Variants in DAPK2 observed in about 807,000 individuals in gnomAD.
DAPK2 encodes death-associated protein kinase 2.
A neutral mutation model predicts 44.1 loss-of-function variants in DAPK2; 35 were observed. That is an observed-to-expected ratio of 0.79 (90% CI 0.61 to 1.05). The LOEUF is 1.05. Among genes scored for constraint, DAPK2 ranks in the 50% least tolerant of loss-of-function variants. The pLI is 0.00. For synonymous variants in DAPK2, 174 were observed against 182.6 expected (o/e 0.95, Z 0.38); for missense variants, 453 against 483.2 (o/e 0.94, Z 0.59).
At chr15:63,992,324 C>G (rs1394505599) in intron 1 of DAPK2, among the ~76,000 whole-genome samples, 1 of 152,036 alleles carries the variant, frequency 6.6e-6, no homozygotes, top group East Asian at 1.9e-4. Flanking sequence ...TGAGGAAATG[C>G]TGGGCTTGGA....
intron 2 of DAPK2, among the ~76,000 whole-genome samples, chr15:63,976,522 C>T (rs1271615067): frequency 6.6e-6 from 1 of 151,818 alleles, no homozygotes; most frequent in Non-Finnish European, 1.5e-5. Flanking sequence ...AGTTCAAGAC[C>T]AGCCTGGGCA....
intron 1 of DAPK2, among the ~76,000 whole-genome samples, chr15:64,024,689 C>T (rs2079786474): frequency 6.6e-6 from 1 of 152,144 alleles, no homozygotes. Context: ...CTCCACTGCC[C>T]TTCTCCCCTC....
intron 1 of DAPK2, among the ~76,000 whole-genome samples, chr15:64,019,689 C>T (rs1394812340): frequency 6.6e-6 from 1 of 152,118 alleles, no homozygotes; most frequent in African/African-American, 2.4e-5. Flanking sequence ...TTCCTACATG[C>T]CAGTGTGTAT....
chr15:64,001,007 G>A (rs2079071112), intron 1 of DAPK2, among the ~76,000 whole-genome samples: 1 of 151,944 alleles, frequency 6.6e-6, no homozygotes, highest in Non-Finnish European at 1.5e-5. Context: ...AGCCTCCCAA[G>A]TAGGTGGGAT....
chr15:63,964,217 A>G (rs1160138098), intron 3 of DAPK2, among the ~76,000 whole-genome samples: 1 of 152,142 alleles, frequency 6.6e-6, no homozygotes, highest in Non-Finnish European at 1.5e-5. Flanking sequence ...TTTTTGCTGG[A>G]TATACTATTC....
At chr15:64,028,361 A>G (rs1193057144) in intron 1 of DAPK2, among the ~76,000 whole-genome samples, 1 of 152,084 alleles carries the variant, frequency 6.6e-6, no homozygotes, top group Non-Finnish European at 1.5e-5. Flanking sequence ...ACCCGACCCT[A>G]TTTATTTTTT....
At chr15:63,983,379 A>G (rs2078580092) in intron 2 of DAPK2, among the ~76,000 whole-genome samples, 154 bp downstream of exon 3, 1 of 152,174 alleles carries the variant, frequency 6.6e-6, no homozygotes, top group South Asian at 2.1e-4. Context: ...GGGGTAACTG[A>G]GACAGAGGGG....
At chr15:63,934,249 GTTTTTTTTTTTTTT>G (rs772176640) in intron 4 of DAPK2, among the ~76,000 whole-genome samples, 1 of 63,286 alleles carries the variant, frequency 1.6e-5, no homozygotes, top group African/African-American at 6.4e-5. Flanking sequence ...TTTTATCCTA[GTTTTTTTTTTTTTT>G]TTTTTTTTTT....
At chr15:64,028,053 T>TCTAC (rs2079904504) in intron 1 of DAPK2, among the ~76,000 whole-genome samples, 2 of 57,060 alleles carry the variant, frequency 3.5e-5, no homozygotes, top group South Asian at 3.8e-4. Flanking sequence ...TATCTATCTA[T>TCTAC]CTATCTATCT....
chr15:63,963,612 GT>G (rs2077973679), intron 3 of DAPK2, among the ~76,000 whole-genome samples: 1 of 152,050 alleles, frequency 6.6e-6, no homozygotes, highest in Non-Finnish European at 1.5e-5. Flanking sequence ...TTGTTTTGTT[GT>G]CTTCTTTTCC....
intron 2 of DAPK2, among the ~76,000 whole-genome samples, chr15:63,978,752 C>T (rs2078422907): frequency 1.3e-5 from 2 of 152,168 alleles, no homozygotes; most frequent in African/African-American, 4.8e-5. Flanking sequence ...TTTCCTCTTA[C>T]ATCCCACATC....
intron 2 of DAPK2, among the ~76,000 whole-genome samples, chr15:63,979,146 C>A (rs2078435382): frequency 6.6e-6 from 1 of 152,188 alleles, no homozygotes; most frequent in Non-Finnish European, 1.5e-5. Context: ...GGAGGCCAGC[C>A]CAACCTTCAC....
At chr15:64,011,289 G>A (rs1898408767) in intron 1 of DAPK2, among the ~76,000 whole-genome samples, 1 of 152,224 alleles carries the variant, frequency 6.6e-6, no homozygotes, top group Non-Finnish European at 1.5e-5. Context: ...GCTGGGCACA[G>A]TGGCTCACAC....
At chr15:64,036,345 A>G (rs1183617620) in intron 1 of DAPK2, among the ~76,000 whole-genome samples, 1 of 136,692 alleles carries the variant, frequency 7.3e-6, no homozygotes, top group Non-Finnish European at 1.6e-5. Context: ...ATACATATAT[A>G]TATATATATT....
At chr15:64,026,662 C>T (rs1255730379) in intron 1 of DAPK2, among the ~76,000 whole-genome samples, 4 of 152,202 alleles carry the variant, frequency 2.6e-5, no homozygotes, top group East Asian at 1.9e-4. Context: ...CCAAATGGTA[C>T]GCTCTCAGAA....
At chr15:63,998,726 C>T (rs1330243449) in intron 1 of DAPK2, among the ~76,000 whole-genome samples, 2 of 152,216 alleles carry the variant, frequency 1.3e-5, no homozygotes, top group African/African-American at 2.4e-5. Context: ...TGCAGCTCGT[C>T]CTGCCCTGCA....
intron 1 of DAPK2, among the ~76,000 whole-genome samples, chr15:64,029,487 G>A (rs1428011773): frequency 6.6e-6 from 1 of 152,138 alleles, no homozygotes; most frequent in East Asian, 1.9e-4. Context: ...TCCTGGATTA[G>A]ACCCTGCCGC....
intron 1 of DAPK2, among the ~76,000 whole-genome samples, chr15:64,002,674 A>G (rs2079112283): frequency 6.6e-6 from 1 of 152,218 alleles, no homozygotes; most frequent in Non-Finnish European, 1.5e-5. Flanking sequence ...GCAAAAGGCC[A>G]CACACATGCA....
chr15:64,022,583 G>A (rs1229352609), intron 1 of DAPK2, among the ~76,000 whole-genome samples: 2 of 152,192 alleles, frequency 1.3e-5, no homozygotes, highest in Admixed American at 1.3e-4. Flanking sequence ...TTGGGAGACT[G>A]AGGCGGGTGA....
Sources: gnomAD v4.1 joint callset for allele counts (sites outside exome capture counted in the v4.1 genomes callset) on GRCh38, gnomAD v4.1.1 for gene constraint, MANE v1.5 for transcripts, NCBI Gene and HGNC (gene_info 2026-07-23, HGNC 2026-07-21) for gene names.